CNTRL: variants seen among roughly 807,000 people sequenced by gnomAD.
The protein encoded by CNTRL is 110 kDa centrosomal protein.
CNTRL carries 233 observed loss-of-function variants against 303.7 expected under a neutral mutation model. The ratio of observed to expected loss-of-function variants is 0.77; its 90% CI spans 0.69 to 0.86. The LOEUF (loss-of-function observed/expected upper bound fraction) is 0.86. Among genes scored for constraint, CNTRL ranks in the 40% least tolerant of loss-of-function variants. The probability of loss-of-function intolerance (pLI) is 0.00; values close to 1 mark genes in which losing one functional copy is unlikely to be tolerated. For missense variants in CNTRL, 2,524 were observed against 2,650.6 expected, an observed-to-expected ratio of 0.95 and a Z score of 1.05; for synonymous variants, 900 against 922.2, an observed-to-expected ratio of 0.98 and a Z score of 0.44.
intron 11 of CNTRL, among the ~76,000 whole-genome samples, chr9:121,117,312 A>G (rs889149533): frequency 1.3e-5 from 2 of 152,204 alleles, no homozygotes; most frequent in Non-Finnish European, 2.9e-5. Context: ...GAATTACATA[A>G]TAATCGTCCA....
At chr9:121,142,399 C>A in intron 19 of CNTRL, 129 bp downstream of exon 19, 1 of 704,972 alleles carries the variant, frequency 1.4e-6, no homozygotes, top group Non-Finnish European at 2.2e-6. Flanking sequence ...CAGTGCTGAA[C>A]CTGACCTAGG....
At chr9:121,098,071 T>TA (rs2048968908) in intron 6 of CNTRL, among the ~76,000 whole-genome samples, 1 of 152,228 alleles carries the variant, frequency 6.6e-6, no homozygotes, top group African/African-American at 2.4e-5. Flanking sequence ...TTCATTCACT[T>TA]ACAAGGCTTT....
intron 4 of CNTRL, among the ~76,000 whole-genome samples, chr9:121,092,180 G>C (rs2048607587): frequency 6.9e-6 from 1 of 145,428 alleles, no homozygotes; most frequent in Non-Finnish European, 1.5e-5. Flanking sequence ...ATATTTTATA[G>C]ATTTTATAGC....
At chr9:121,120,880 A>T (rs1004429754) in intron 12 of CNTRL, among the ~76,000 whole-genome samples, 3 of 152,206 alleles carry the variant, frequency 2.0e-5, no homozygotes, top group Admixed American at 2.0e-4. Flanking sequence ...TATTAAAATT[A>T]CTAATAGTTC....
chr9:121,129,569 G>A, intron 14 of CNTRL, among the ~76,000 whole-genome samples: 1 of 152,328 alleles, frequency 6.6e-6, no homozygotes, highest in East Asian at 1.9e-4. Context: ...ATACAATCAT[G>A]TCATCTGCAA....
At chr9:121,139,454 A>T (rs2133947201) in intron 16 of CNTRL, among the ~76,000 whole-genome samples, 1 of 152,320 alleles carries the variant, frequency 6.6e-6, no homozygotes, top group South Asian at 2.1e-4. Flanking sequence ...GAGAGAAATA[A>T]GACTAAACTC....
rs776885678 is a variant in CNTRL, at chr9:121,160,203, A to T, written c.4990A>T (p.Ser1664Cys). 1.3e-6 allele frequency: 2 copies of T among 1,564,162 alleles called. No homozygotes were observed. Among genetic ancestry groups the T allele is most frequent in the African/African-American group, 2.8e-5 (2 of 72,036 alleles). Reference sequence around the variant, plus strand: ...GAAAGGAGAACTAAATGTTCAGATTAGTGAAAGAAAAACTCAACTTACACT... The same window carrying T: ...GAAAGGAGAACTAAATGTTCAGATTTGTGAAAGAAAAACTCAACTTACACT... ...FQKGELNVQI[S>C]ERKTQLTLIK... Residue 1664 changes from serine (S) to cysteine (C), a missense_variant, in exon 32 of 44, where the codon AGT becomes TGT. Coordinates refer to ENST00000373855, the MANE Select transcript of CNTRL (RefSeq NM_007018.6).
intron 9 of CNTRL, among the ~76,000 whole-genome samples, chr9:121,112,801 A>G (rs2049805491): frequency 6.6e-6 from 1 of 152,228 alleles, no homozygotes; most frequent in Admixed American, 6.5e-5. Context: ...ATCTTTGCCC[A>G]TAGCCATATC....
At chr9:121,158,729 C>A in intron 30 of CNTRL, 126 bp from the exon 31 acceptor site, 2 of 928,138 alleles carry the variant, frequency 2.2e-6, no homozygotes, top group Non-Finnish European at 3.3e-6. Context: ...CCTTGCCTGG[C>A]TTTTCTGACT....
In CNTRL at chr9:121,121,751, A is replaced by G. The variant is rs999986839; in HGVS notation, c.1651-2180A>G. 3.0e-6 allele frequency: 3 copies of G among 984,638 alleles called. No individual in the cohort carries two copies. The African/African-American group carries it at 5.2e-5, about 17-fold the overall frequency. 61.0% of individuals were successfully genotyped at this position (984,638 alleles called of 1,614,324 possible). On this transcript the variant is annotated intron_variant, in intron 12 of 43. Transcript: ENST00000373855. ...GCCCGCAGAGGCTGCTGGTGATTGG[A>G]TGGGCGGGGCCGCCGCTCACTCTTG...
At position 121,113,640 on chromosome 9, in the gene CNTRL, C is replaced by A. The variant is rs1335716619; in HGVS notation, c.1261C>A (p.Gln421Lys). ...VQIKKMEPDE[Q>K]LRNDHMNLRG... ...GATCAAGAAGATGGAGCCAGATGAACAACTTAGAAATGATCACATGAACTT... is the reference window on the plus strand; with the variant it reads ...GATCAAGAAGATGGAGCCAGATGAAAAACTTAGAAATGATCACATGAACTT... Residue 421 changes from glutamine to lysine, a missense_variant, in exon 10 of 44, where the codon CAA becomes AAA. By Grantham distance (53) the Gln-to-Lys change is moderately conservative. Coordinates refer to ENST00000373855, the MANE Select transcript of CNTRL (RefSeq NM_007018.6). 2 of 1,607,178 alleles carry A rather than the reference C, an allele frequency of 1.2e-6. No homozygotes were observed.
At chr9:121,143,616 A>G (rs1400927727) in intron 19 of CNTRL, among the ~76,000 whole-genome samples, 1 of 152,204 alleles carries the variant, frequency 6.6e-6, no homozygotes, top group Non-Finnish European at 1.5e-5. Flanking sequence ...TGATTCAGTG[A>G]TTTCAAAGGC....
rs80337636 is a variant in CNTRL at position 121,088,962 on chromosome 9, A to T, written c.217+419A>T. Among the ~76,000 whole-genome samples the T allele has an allele frequency of 7.8e-3, 1,192 of 152,348 alleles. 10 individuals carry two copies. The highest frequency in any genetic ancestry group is 0.014 in the Non-Finnish European group (921 of 68,044). ...TCTGTGAATGGACTGATTTCCACATATGGGACATGTATGTATGTTCCACTA... is the reference window on the plus strand; with the variant it reads ...TCTGTGAATGGACTGATTTCCACATTTGGGACATGTATGTATGTTCCACTA... On this transcript the variant is annotated intron_variant, in intron 3 of 43. Transcript: ENST00000373855.
At chr9:121,139,229 A>G (rs1271487611) in intron 16 of CNTRL, among the ~76,000 whole-genome samples, 1 of 152,198 alleles carries the variant, frequency 6.6e-6, no homozygotes, top group Non-Finnish European at 1.5e-5. Flanking sequence ...AAACTGCAGG[A>G]AAAACAGGTG....
At chr9:121,099,834 T>C (rs990611702) in intron 7 of CNTRL, among the ~76,000 whole-genome samples, 25 of 151,764 alleles carry the variant, frequency 1.6e-4, no homozygotes, top group African/African-American at 5.6e-4. Context: ...GTGAATGAAA[T>C]GAAGCCAGAA....
At chr9:121,160,395 T>A in intron 32 of CNTRL, 93 bp downstream of exon 32, 1 of 930,670 alleles carries the variant, frequency 1.1e-6, no homozygotes, top group Non-Finnish European at 1.5e-6. Context: ...CAAAAAAACT[T>A]TAAAGTTTAA....
At chr9:121,106,557 T>C (rs1310693221) in intron 7 of CNTRL, among the ~76,000 whole-genome samples, 1 of 152,012 alleles carries the variant, frequency 6.6e-6, no homozygotes, top group Admixed American at 6.6e-5. Flanking sequence ...ATTGATGGGG[T>C]CATTTTCTTA....
In CNTRL at chr9:121,169,753, G is replaced by A. The variant is rs2053230206; in HGVS notation, c.6213G>A (p.Lys2071=). Residue 2071 remains lysine (K), a synonymous_variant, in exon 39 of 44, where the codon AAG becomes AAA. Transcript: ENST00000373855. ...TGACAGAAAGAAAGAAAGCTGAGAAGCAGGTGGCCAGCCTGAAGGAAGCAC... is the reference window on the plus strand; with the variant it reads ...TGACAGAAAGAAAGAAAGCTGAGAAACAGGTGGCCAGCCTGAAGGAAGCAC... ...QFLTERKKAE[K]QVASLKEALK... The A allele has an allele frequency of 1.2e-6, 2 of 1,614,200 alleles. No homozygotes were observed. The highest frequency in any genetic ancestry group is 1.1e-5 in the South Asian group (1 of 91,088).
intron 41 of CNTRL, 52 bp from the exon 42 acceptor site, chr9:121,173,623 C>T: frequency 6.2e-7 from 1 of 1,611,500 alleles, no homozygotes; most frequent in Non-Finnish European, 8.5e-7. Context: ...TGGTTGGCTT[C>T]CATTTGTAGC....
Sources: allele counts gnomAD v4.1 joint callset (sites outside exome capture counted in the v4.1 genomes callset), GRCh38; gene constraint gnomAD v4.1.1; transcripts MANE v1.5; gene names NCBI Gene and HGNC (gene_info 2026-07-23, HGNC 2026-07-21).